PHACTR1: variants seen among roughly 807,000 people sequenced by gnomAD.
The protein encoded by PHACTR1 is phosphatase and actin regulator 1.
In PHACTR1, 16 loss-of-function variants were observed where a neutral mutation model predicts 69.2. The ratio of observed to expected loss-of-function variants is 0.23; its 90% CI spans 0.16 to 0.35. PHACTR1 has a LOEUF of 0.35. PHACTR1 is among the 10% of genes least tolerant of loss of function. PHACTR1 has a pLI of 1.00. For missense variants in PHACTR1, 510 were observed against 734.7 expected (o/e 0.69, Z 3.54); for synonymous variants, 312 against 284.5 (o/e 1.10, Z -0.97).
At chr6:12,792,151 C>T (rs1459917980) in intron 4 of PHACTR1, among the ~76,000 whole-genome samples, 2 of 152,052 alleles carry the variant, frequency 1.3e-5, no homozygotes, top group African/African-American at 4.8e-5. Flanking sequence ...AATGCAATTG[C>T]ACCATAGTTT....
chr6:12,758,556 G>T (rs1056489712), intron 4 of PHACTR1, among the ~76,000 whole-genome samples: 1 of 150,504 alleles, frequency 6.6e-6, no homozygotes, highest in Non-Finnish European at 1.5e-5. Context: ...CCATCAGATT[G>T]ACATCATTAT....
intron 8 of PHACTR1, among the ~76,000 whole-genome samples, chr6:13,208,365 T>C (rs909895076): frequency 1.3e-5 from 2 of 152,246 alleles, no homozygotes; most frequent in African/African-American, 4.8e-5. Context: ...TTCATGTCTG[T>C]TGAATCTTGT....
rs983080602 is a variant in PHACTR1 at position 13,283,105 on chromosome 6, T to C, written c.1510-317T>C. On this transcript the variant is annotated intron_variant, in intron 12 of 14. Coordinates refer to ENST00000332995, the MANE Select transcript of PHACTR1 (RefSeq NM_030948.6). The surrounding 1 kb of genome is among the most constrained non-coding windows in gnomAD (Gnocchi z 4.7). Reference sequence around the variant, plus strand: ...TGATAATACACCAAATTCATTACATTAGTCTCCTTCCTTGTTTTGAAAATT... The same window carrying C: ...TGATAATACACCAAATTCATTACATCAGTCTCCTTCCTTGTTTTGAAAATT... Among the ~76,000 whole-genome samples the C allele has an allele frequency of 1.9e-4, 29 of 152,266 alleles. No homozygotes were observed. Among genetic ancestry groups the C allele is most frequent in the African/African-American group, 6.5e-4 (27 of 41,536 alleles).
At chr6:12,995,567 C>T (rs927240639) in intron 4 of PHACTR1, among the ~76,000 whole-genome samples, 7 of 151,718 alleles carry the variant, frequency 4.6e-5, no homozygotes, top group Admixed American at 1.3e-4. Context: ...TAATGGTACT[C>T]GTTAATACTT....
At chr6:12,885,517 G>A (rs1783552771) in intron 4 of PHACTR1, among the ~76,000 whole-genome samples, 1 of 152,156 alleles carries the variant, frequency 6.6e-6, no homozygotes, top group African/African-American at 2.4e-5. Context: ...CTTTGAAGTT[G>A]GAAATTGCAA....
intron 7 of PHACTR1, among the ~76,000 whole-genome samples, chr6:13,184,190 G>C (rs1762543475): frequency 6.6e-6 from 1 of 152,230 alleles, no homozygotes; most frequent in African/African-American, 2.4e-5. Flanking sequence ...ACCTGGAGGA[G>C]CAGCCGTCCA....
chr6:12,922,354 C>T (rs370704569), intron 4 of PHACTR1, among the ~76,000 whole-genome samples: 19 of 152,026 alleles, frequency 1.2e-4, no homozygotes, highest in Admixed American at 9.8e-4. Context: ...TCTTATTTTA[C>T]GTAGATCAGT....
At chr6:13,259,815 G>C (rs901095928) in intron 10 of PHACTR1, among the ~76,000 whole-genome samples, 1 of 152,180 alleles carries the variant, frequency 6.6e-6, no homozygotes, top group Non-Finnish European at 1.5e-5. Context: ...CAGGCTAACT[G>C]TTCTTAGCTT....
At chr6:13,207,598 G>T (rs1766135782) in intron 8 of PHACTR1, among the ~76,000 whole-genome samples, 1 of 152,190 alleles carries the variant, frequency 6.6e-6, no homozygotes, top group Admixed American at 6.5e-5. Context: ...GTATGTGTGT[G>T]TGTGTGTGTG....
chr6:12,914,411 C>T (rs1057075050), intron 4 of PHACTR1, among the ~76,000 whole-genome samples: 1 of 152,078 alleles, frequency 6.6e-6, no homozygotes, highest in Non-Finnish European at 1.5e-5. Context: ...TTGGGGAATC[C>T]TAAGGATTCC....
At chr6:12,802,001 G>T (rs1439625598) in intron 4 of PHACTR1, among the ~76,000 whole-genome samples, 1 of 151,584 alleles carries the variant, frequency 6.6e-6, no homozygotes, top group Non-Finnish European at 1.5e-5. Flanking sequence ...TTAGAAAATT[G>T]CATAGGTTTG....
At chr6:13,278,134 G>C (rs1016753690) in intron 11 of PHACTR1, 134 bp from the exon 12 acceptor site, 5 of 745,728 alleles carry the variant, frequency 6.7e-6, no homozygotes, top group Admixed American at 3.0e-5. Flanking sequence ...GGGCAGCTGG[G>C]GGAGGGGACA....
At chr6:12,793,479 A>C (rs1772590276) in intron 4 of PHACTR1, among the ~76,000 whole-genome samples, 1 of 152,348 alleles carries the variant, frequency 6.6e-6, no homozygotes, top group Admixed American at 6.5e-5. Context: ...TTAATAAATG[A>C]TGTTGTTCTT....
chr6:12,837,673 G>GC (rs1188138469), intron 4 of PHACTR1, among the ~76,000 whole-genome samples: 1 of 151,438 alleles, frequency 6.6e-6, no homozygotes, highest in Non-Finnish European at 1.5e-5. Context: ...TAGCTATGTG[G>GC]CCCTGGGCAA....
At chr6:13,072,647 T>C (rs746841216) in intron 5 of PHACTR1, among the ~76,000 whole-genome samples, 2 of 152,246 alleles carry the variant, frequency 1.3e-5, no homozygotes, top group South Asian at 4.1e-4. Context: ...CTTGGTTGTA[T>C]GCCATTATAA....
intron 5 of PHACTR1, among the ~76,000 whole-genome samples, chr6:13,145,212 C>T (rs1800115351): frequency 6.6e-6 from 1 of 151,954 alleles, no homozygotes; most frequent in African/African-American, 2.4e-5. Flanking sequence ...GTTCTCACCA[C>T]CTGAAATGAC....
chr6:13,175,533 G>A lies in PHACTR1; in HGVS notation c.497-6986G>A, dbSNP rs1761205579. ...GCGCTTCACCCCACCTGTCTCTCCT[G>A]AGAACAAATTAGAGGCGCTCACCAG... is the stretch of plus-strand genomic sequence containing the variant. On this transcript the variant is annotated intron_variant, in intron 6 of 14. Coordinates refer to ENST00000332995, the MANE Select transcript of PHACTR1 (RefSeq NM_030948.6). 3.3e-5 allele frequency among the ~76,000 whole-genome samples: 5 copies of A among 152,272 alleles called. No individual in the cohort carries two copies. In the South Asian group the frequency reaches 1.0e-3, roughly 32 times the overall value.
intron 4 of PHACTR1, among the ~76,000 whole-genome samples, chr6:12,966,325 A>G (rs1337932433): frequency 2.0e-5 from 3 of 152,226 alleles, no homozygotes; most frequent in South Asian, 2.1e-4. Context: ...ATAAGAGAGA[A>G]AGAGGGACTA....
intron 8 of PHACTR1, among the ~76,000 whole-genome samples, chr6:13,217,579 G>A (rs1384576555): frequency 2.0e-5 from 3 of 152,072 alleles, no homozygotes; most frequent in Non-Finnish European, 4.4e-5. Flanking sequence ...TGAAAGGACA[G>A]AGGCTGTGAA....
Sources: gnomAD v4.1 joint callset for allele counts (sites outside exome capture counted in the v4.1 genomes callset) on GRCh38, gnomAD v4.1.1 for gene constraint, Gnocchi (gnomAD v3.1) non-coding constraint, MANE v1.5 for transcripts, NCBI Gene and HGNC (gene_info 2026-07-23, HGNC 2026-07-21) for gene names.